Variants in PLA2G4A observed in about 807,000 individuals in gnomAD.
PLA2G4A encodes the protein phospholipase A2 group IVA, also known as cytosolic phospholipase A2.
PLA2G4A carries 40 observed loss-of-function variants against 81.9 expected under a neutral mutation model. The ratio of observed to expected loss-of-function variants is 0.49; its 90% confidence interval spans 0.38 to 0.64. The LOEUF (loss-of-function observed/expected upper bound fraction) is 0.64. Ranked by LOEUF, PLA2G4A falls within the 30% of genes least tolerant of loss-of-function variation. The pLI, the probability that PLA2G4A is intolerant of heterozygous loss-of-function variation, is 0.00. For synonymous variants in PLA2G4A, 302 were observed against 296.9 expected, an observed-to-expected ratio of 1.02 and a Z score of -0.18; for missense variants, 715 against 905.1, an observed-to-expected ratio of 0.79 and a Z score of 2.69.
intron 2 of PLA2G4A, among the ~76,000 whole-genome samples, chr1:186,867,243 T>C (rs1293297457): frequency 9.2e-5 from 14 of 152,264 alleles, no homozygotes; most frequent in African/African-American, 3.4e-4. Context: ...TCACAGAATA[T>C]TTTGTGATTT....
At chr1:186,978,092 G>C (rs10157410) in intron 16 of PLA2G4A, among the ~76,000 whole-genome samples, 30,894 of 151,978 alleles carry the variant, frequency 0.2, 5,000 homozygotes, top group African/African-American at 0.45. Context: ...CAAATATTTT[G>C]ACTATCACCC....
intron 13 of PLA2G4A, among the ~76,000 whole-genome samples, chr1:186,953,107 G>T (rs2102249053): frequency 6.6e-6 from 1 of 152,258 alleles, no homozygotes; most frequent in East Asian, 1.9e-4. Context: ...GGATCATATG[G>T]TAAGAGTATA....
chr1:186,955,156 A>G (rs1656702649), intron 13 of PLA2G4A, among the ~76,000 whole-genome samples: 1 of 152,194 alleles, frequency 6.6e-6, no homozygotes, highest in African/African-American at 2.4e-5. Flanking sequence ...GGAAAAAGTC[A>G]TTTAAAACTG....
intron 7 of PLA2G4A, among the ~76,000 whole-genome samples, chr1:186,927,385 C>A (rs1430139860): frequency 6.6e-6 from 1 of 152,150 alleles, no homozygotes; most frequent in African/African-American, 2.4e-5. Flanking sequence ...TCAGAAGCCA[C>A]TTTTTAAACT....
At chr1:186,952,479 C>T (rs1235358760) in intron 13 of PLA2G4A, among the ~76,000 whole-genome samples, 2 of 152,120 alleles carry the variant, frequency 1.3e-5, no homozygotes, top group East Asian at 1.9e-4. Context: ...CCCTGTCCAC[C>T]TTCCACCACC....
chr1:186,963,094 A>T (rs1657017061), intron 14 of PLA2G4A, among the ~76,000 whole-genome samples: 2 of 152,204 alleles, frequency 1.3e-5, no homozygotes, highest in African/African-American at 4.8e-5. Context: ...AAGAATAGTA[A>T]ATCTTATATA....
intron 2 of PLA2G4A, among the ~76,000 whole-genome samples, chr1:186,866,754 A>G (rs1199126691): frequency 1.3e-5 from 2 of 152,180 alleles, no homozygotes; most frequent in African/African-American, 2.4e-5. Flanking sequence ...GCAAAAAAGC[A>G]TAGATGATTT....
chr1:186,837,013 CAG>C (rs1361865844), intron 1 of PLA2G4A, among the ~76,000 whole-genome samples: 3 of 152,016 alleles, frequency 2.0e-5, no homozygotes, highest in African/African-American at 4.8e-5. Flanking sequence ...GAGTTCCAGG[CAG>C]AGAGTGGCAT....
chr1:186,923,752 T>C (rs1350782118), intron 7 of PLA2G4A, among the ~76,000 whole-genome samples: 2 of 152,256 alleles, frequency 1.3e-5, no homozygotes, highest in African/African-American at 4.8e-5. Context: ...TCATATTTCT[T>C]GTAAGTCATG....
intron 14 of PLA2G4A, among the ~76,000 whole-genome samples, chr1:186,961,609 C>T (rs1238615957): frequency 1.3e-5 from 2 of 152,162 alleles, no homozygotes. Context: ...TGATTTTCCC[C>T]TCAAATGCCC....
At chr1:186,849,800 T>C (rs2102020330) in intron 1 of PLA2G4A, among the ~76,000 whole-genome samples, 1 of 152,204 alleles carries the variant, frequency 6.6e-6, no homozygotes, top group East Asian at 1.9e-4. Flanking sequence ...AGAGATGGAA[T>C]CTCCAAGAGG....
At chr1:186,843,807 C>CT (rs1652072841) in intron 1 of PLA2G4A, among the ~76,000 whole-genome samples, 1 of 152,172 alleles carries the variant, frequency 6.6e-6, no homozygotes, top group South Asian at 2.1e-4. Flanking sequence ...GATCTAAGCT[C>CT]TTTCACGTTT....
At chr1:186,979,827 C>G (rs1278127074) in intron 17 of PLA2G4A, among the ~76,000 whole-genome samples, 1 of 151,320 alleles carries the variant, frequency 6.6e-6, no homozygotes, top group Admixed American at 6.6e-5. Flanking sequence ...TGAATGGAAC[C>G]AGAAGTGTAG....
At chr1:186,844,475 T>C (rs1652099240) in intron 1 of PLA2G4A, among the ~76,000 whole-genome samples, 1 of 152,232 alleles carries the variant, frequency 6.6e-6, no homozygotes, top group Admixed American at 6.5e-5. Flanking sequence ...TGGAGAAAGC[T>C]TTGAATTTGG....
chr1:186,829,542 CGAAA>C (rs1311103169), intron 1 of PLA2G4A, among the ~76,000 whole-genome samples: 1 of 151,732 alleles, frequency 6.6e-6, no homozygotes, highest in Non-Finnish European at 1.5e-5. Flanking sequence ...CAGAATTATG[CGAAA>C]GAAAGAGGAT....
chr1:186,936,494 GT>G (rs930346877), intron 8 of PLA2G4A, among the ~76,000 whole-genome samples: 8 of 151,912 alleles, frequency 5.3e-5, no homozygotes, highest in Non-Finnish European at 1.2e-4. Flanking sequence ...TAATTTAGGG[GT>G]TTTTAAAGGG....
intron 15 of PLA2G4A, among the ~76,000 whole-genome samples, chr1:186,966,690 C>T (rs1462486025): frequency 6.6e-6 from 1 of 152,052 alleles, no homozygotes; most frequent in Non-Finnish European, 1.5e-5. Context: ...CGCTTTGTTC[C>T]CTCTGCCTGG....
At chr1:186,910,187 A>G (rs1179153133) in intron 6 of PLA2G4A, among the ~76,000 whole-genome samples, 1 of 152,190 alleles carries the variant, frequency 6.6e-6, no homozygotes, top group Non-Finnish European at 1.5e-5. Context: ...CATAAAGAAC[A>G]TAGCTCAGAG....
chr1:186,835,888 T>C (rs1344609748), intron 1 of PLA2G4A, among the ~76,000 whole-genome samples: 1 of 152,208 alleles, frequency 6.6e-6, no homozygotes, highest in Non-Finnish European at 1.5e-5. Context: ...TTACTTATAA[T>C]CTATTACTTG....
Sources: gnomAD v4.1 joint callset for allele counts (sites outside exome capture counted in the v4.1 genomes callset) on GRCh38, gnomAD v4.1.1 for gene constraint, MANE v1.5 for transcripts, NCBI Gene and HGNC (gene_info 2026-07-23, HGNC 2026-07-21) for gene names.